The following SLC2A9 variants were observed in gnomAD, a reference collection of about 807,000 sequenced individuals.
SLC2A9 encodes the protein solute carrier family 2, facilitated glucose transporter member 9.
Under a neutral mutation model 50.6 loss-of-function variants are expected in SLC2A9, and 39 were observed. That is an observed-to-expected ratio of 0.77 (90% CI 0.60 to 1.01). SLC2A9 has a LOEUF of 1.01. Ranked by LOEUF, SLC2A9 falls within the 50% of genes least tolerant of loss-of-function variation. The probability of loss-of-function intolerance (pLI) is 0.00; values close to 1 mark genes in which losing one functional copy is unlikely to be tolerated. For synonymous variants in SLC2A9, 324 were observed against 276.9 expected (o/e 1.17, Z -1.69); for missense variants, 686 against 677.6 (o/e 1.01, Z -0.14).
rs1577455456 is a variant in SLC2A9, at chr4:9,836,297, G to T, written c.1292-1289C>A. ...ACCACCTGTTCCCCAAAAAACCTATGGAAATAAAAAAATAAAAATAAAAAA... is the reference window on the plus strand; with the variant it reads ...ACCACCTGTTCCCCAAAAAACCTATTGAAATAAAAAAATAAAAATAAAAAA... On this transcript the variant is annotated intron_variant, in intron 10 of 11. Transcript: ENST00000264784. Among the ~76,000 whole-genome samples, 6 of 144,522 alleles carry T rather than the reference G, an allele frequency of 4.2e-5. 1 individual carries two copies. The Admixed American group carries it at 4.3e-4, about 10-fold the overall frequency. The allele number at this position is 144,522 out of a possible 152,430, so 94.8% of individuals were successfully genotyped here.
In SLC2A9 at chr4:9,845,268, C is replaced by G. The variant is rs557170772; in HGVS notation, c.1292-10260G>C. Among the ~76,000 whole-genome samples the G allele has an allele frequency of 3.6e-3, 543 of 151,686 alleles. 5 individuals are homozygous for G. Among genetic ancestry groups the G allele is most frequent in the African/African-American group, 0.013 (532 of 41,304 alleles). Reference sequence around the variant, plus strand: ...GACCTCGTGATCCGCCTGCCTCGGCCCCCCAAAGTGCTGAGATTACAGGCG... The same window carrying G: ...GACCTCGTGATCCGCCTGCCTCGGCGCCCCAAAGTGCTGAGATTACAGGCG... On this transcript the variant is annotated intron_variant, in intron 10 of 11. Transcript: ENST00000264784.
At chr4:9,952,795 G>C (rs374287769) in intron 5 of SLC2A9, among the ~76,000 whole-genome samples, 18 of 152,210 alleles carry the variant, frequency 1.2e-4, no homozygotes, top group Admixed American at 3.9e-4. Context: ...AGAATGCTGG[G>C]ATTACCGGCG....
chr4:9,908,419 G>C, intron 7 of SLC2A9, 74 bp from the exon 8 acceptor site: 1 of 1,045,640 alleles, frequency 9.6e-7, no homozygotes, highest in Non-Finnish European at 1.5e-6. Flanking sequence ...ATCAAATTTG[G>C]GTATCAGGTG....
chr4:9,777,536 C>T (rs377480147), downstream of SLC2A9, among the ~76,000 whole-genome samples: 7 of 94,238 alleles, frequency 7.4e-5, no homozygotes, highest in East Asian at 1.6e-3. Flanking sequence ...ACTGGAACAT[C>T]TGAAAACAAA....
chr4:9,802,565 T>C (rs370990960), intron 3 of SLC2A9, among the ~76,000 whole-genome samples: 17,224 of 148,526 alleles, frequency 0.12, 1,032 homozygotes, highest in Middle Eastern at 0.16. Flanking sequence ...TTTTCTTTTT[T>C]TTTTTTTTTT....
chr4:9,989,651 A>G (rs1268975183), intron 3 of SLC2A9, among the ~76,000 whole-genome samples: 2 of 152,002 alleles, frequency 1.3e-5, no homozygotes, highest in Non-Finnish European at 2.9e-5. Context: ...ACCCCCTGAT[A>G]ACAGCACACC....
intron 7 of SLC2A9, among the ~76,000 whole-genome samples, chr4:9,909,745 G>A (rs992100034): frequency 6.6e-6 from 1 of 152,214 alleles, no homozygotes; most frequent in South Asian, 2.1e-4. Flanking sequence ...TTAAAACCAA[G>A]AGTTTGCTGA....
chr4:9,827,514 C>A (rs1725337831), intron 11 of SLC2A9, among the ~76,000 whole-genome samples: 3 of 152,180 alleles, frequency 2.0e-5, no homozygotes, highest in Admixed American at 6.5e-5. Flanking sequence ...TAGTCAATTC[C>A]ATTCTATTCT....
chr4:9,828,119 C>T (rs1725442678), intron 11 of SLC2A9, among the ~76,000 whole-genome samples: 1 of 152,156 alleles, frequency 6.6e-6, no homozygotes, highest in Admixed American at 6.5e-5. Flanking sequence ...GATGGCACCT[C>T]CATCCTTCTG....
intron 5 of SLC2A9, 152 bp from the exon 6 acceptor site, chr4:9,942,197 G>A: frequency 2.2e-6 from 2 of 903,582 alleles, no homozygotes; most frequent in Non-Finnish European, 3.5e-6. Context: ...ACTGAGCCAG[G>A]CTGGGCACCA....
intron 4 of SLC2A9, among the ~76,000 whole-genome samples, chr4:9,985,249 G>T (rs1300798679): frequency 6.6e-6 from 1 of 152,176 alleles, no homozygotes; most frequent in African/African-American, 2.4e-5. Flanking sequence ...TAGTGTGCCA[G>T]CCCTCGCAGG....
At chr4:9,888,116 T>C (rs6858614) in intron 9 of SLC2A9, among the ~76,000 whole-genome samples, 1 of 103,888 alleles carries the variant, frequency 9.6e-6, no homozygotes, top group East Asian at 2.7e-4. Flanking sequence ...GGGCCTGTTT[T>C]GGGGGGTGGG....
chr4:9,927,308 C>T (rs1055112497), intron 6 of SLC2A9, among the ~76,000 whole-genome samples: 6 of 152,366 alleles, frequency 3.9e-5, no homozygotes, highest in East Asian at 3.9e-4. Flanking sequence ...TGAGCCACCA[C>T]GCCCAACCCC....
At chr4:9,822,158 C>G (rs1406328206), downstream of SLC2A9, among the ~76,000 whole-genome samples, 1 of 152,186 alleles carries the variant, frequency 6.6e-6, no homozygotes, top group East Asian at 1.9e-4. Flanking sequence ...AACATCACTT[C>G]TTCCATACTC....
intron 1 of SLC2A9, among the ~76,000 whole-genome samples, chr4:10,036,539 T>C (rs1764110076): frequency 6.6e-6 from 1 of 152,264 alleles, no homozygotes; most frequent in South Asian, 2.1e-4. Context: ...TTACCCTTTG[T>C]TGTCCTGCTT....
intron 7 of SLC2A9, among the ~76,000 whole-genome samples, chr4:9,912,834 G>A (rs1742096875): frequency 6.6e-6 from 1 of 152,200 alleles, no homozygotes; most frequent in Non-Finnish European, 1.5e-5. Context: ...TCAGAATCTT[G>A]ACATGGGGAA....
chr4:9,906,163 A>C (rs1467239733), intron 8 of SLC2A9, among the ~76,000 whole-genome samples: 1 of 152,182 alleles, frequency 6.6e-6, no homozygotes, highest in Non-Finnish European at 1.5e-5. Context: ...AGCAGGGATG[A>C]TGGCTTTTAG....
Position 9,935,167 on chromosome 4 carries a change from A to T in SLC2A9, c.814+6746T>A, listed in dbSNP as rs181639772. ...CAATGATTTATATTCCTTTGGGTAT[A>T]TGCCCAGTAATGGGATTGCTGGGTC... On this transcript the variant is annotated intron_variant, in intron 6 of 11. Transcript: ENST00000264784. Among the ~76,000 whole-genome samples the T allele has an allele frequency of 4.6e-3, 700 of 152,346 alleles. 8 individuals carry two copies. Among genetic ancestry groups the T allele is most frequent in the African/African-American group, 0.016 (679 of 41,572 alleles).
chr4:9,873,587 T>C (rs747175033), intron 10 of SLC2A9, among the ~76,000 whole-genome samples: 2 of 152,232 alleles, frequency 1.3e-5, no homozygotes, highest in Non-Finnish European at 2.9e-5. Flanking sequence ...AAACCTGGTC[T>C]AGTCTGTGGG....
Sources: gnomAD v4.1 joint callset for allele counts (sites outside exome capture counted in the v4.1 genomes callset) on GRCh38, gnomAD v4.1.1 for gene constraint, MANE v1.5 for transcripts, NCBI Gene and HGNC (gene_info 2026-07-23, HGNC 2026-07-21) for gene names.